PLEKHD1: variants seen among roughly 807,000 people sequenced by gnomAD.
PLEKHD1 encodes pleckstrin homology and coiled-coil domain containing D1, also known as pleckstrin homology domain-containing family D member 1.
PLEKHD1 carries 51 observed loss-of-function variants against 69.2 expected under a neutral mutation model. The observed-to-expected ratio is 0.74, with a 90% CI of 0.59 to 0.93. PLEKHD1 has a LOEUF of 0.93. Ranked by LOEUF, PLEKHD1 falls within the 40% of genes least tolerant of loss-of-function variation. The probability of loss-of-function intolerance (pLI) is 0.00; values close to 1 mark genes in which losing one functional copy is unlikely to be tolerated. For missense variants in PLEKHD1, 584 were observed against 641.0 expected, an observed-to-expected ratio of 0.91 and a Z score of 0.96; for synonymous variants, 236 against 244.7, an observed-to-expected ratio of 0.96 and a Z score of 0.33.
chr14:69,524,289 G>T lies in PLEKHD1; in HGVS notation c.711G>T (p.Arg237Ser), dbSNP rs755987131. ...KGVEQEKKEL[R>S]HLTESLQQTL... ...TAGAACAAGAGAAAAAGGAACTGAG[G>T]CACCTCACGGAGTCCTTGCAGCAGA... The change falls in exon 8 of 13, where the codon AGG (arginine) becomes AGT (serine). Residue 237 changes from arginine to serine, a missense_variant. Transcript: ENST00000322564. 6.4e-7 allele frequency: 1 copy of T among 1,551,590 alleles called. No homozygotes were observed. Among genetic ancestry groups the T allele is most frequent in the South Asian group, 1.2e-5 (1 of 84,054 alleles).
At chr14:69,512,909 A>G (rs954525039) in intron 6 of PLEKHD1, among the ~76,000 whole-genome samples, 13 of 152,074 alleles carry the variant, frequency 8.5e-5, no homozygotes, top group Non-Finnish European at 1.8e-4. Context: ...GAAAAAAAAA[A>G]AAGAGAGAGA....
At chr14:69,492,489 G>A (rs1882798495) in intron 1 of PLEKHD1, among the ~76,000 whole-genome samples, 2 of 152,310 alleles carry the variant, frequency 1.3e-5, no homozygotes, top group South Asian at 4.1e-4. Flanking sequence ...GTGTACTGTG[G>A]TATGCTACGA....
At chr14:69,497,581 G>C (rs1412831211) in intron 1 of PLEKHD1, among the ~76,000 whole-genome samples, 1 of 152,252 alleles carries the variant, frequency 6.6e-6, no homozygotes, top group Non-Finnish European at 1.5e-5. Flanking sequence ...GGGCATTCCA[G>C]GCCAAGCCAC....
chr14:69,485,226 G>A (rs1882629635), intron 1 of PLEKHD1, 112 bp downstream of exon 1: 1 of 1,236,042 alleles, frequency 8.1e-7, no homozygotes, highest in Non-Finnish European at 1.1e-6. Context: ...TGTGACCTTG[G>A]CGTCACCCCT....
chr14:69,526,716 C>T lies in PLEKHD1; in HGVS notation c.943C>T (p.Arg315Cys), dbSNP rs201178355. The T allele has an allele frequency of 3.6e-4, 555 of 1,537,980 alleles. No individual in the cohort carries two copies. Among genetic ancestry groups the T allele is most frequent in the Admixed American group, 1.6e-4 (8 of 48,812 alleles). The change falls in exon 10 of 13, where the codon CGC (arginine) becomes TGC (cysteine). Residue 315 changes from arginine (R) to cysteine (C), a missense_variant. Transcript: ENST00000322564. ...CTACAGGATGAAGGAGAACGAGGAGCGCTCACGGGCCCTGGAGGAGGAGCG... is the reference window on the plus strand; with the variant it reads ...CTACAGGATGAAGGAGAACGAGGAGTGCTCACGGGCCCTGGAGGAGGAGCG... Reference protein sequence around the residue: ...AEKRMKENEERSRALEEEREF... With the variant: ...AEKRMKENEECSRALEEEREF...
At position 69,530,949 on chromosome 14, in the gene PLEKHD1, C is replaced by T. The variant is rs748051631; in HGVS notation, c.*2530C>T. ...CCAGCCTGGCCAATATGGCGAAACCCCACCTGTACTAAAAATACAAAAATT... is the reference window on the plus strand; with the variant it reads ...CCAGCCTGGCCAATATGGCGAAACCTCACCTGTACTAAAAATACAAAAATT... On this transcript the variant is annotated 3_prime_UTR_variant, in exon 13 of 13. Coordinates refer to ENST00000322564, the MANE Select transcript of PLEKHD1 (RefSeq NM_001161498.2). 1 of 152,158 alleles carries T rather than the reference C, an allele frequency of 6.6e-6. No individual in the cohort carries two copies. The highest frequency in any genetic ancestry group is 2.4e-5 in the African/African-American group (1 of 41,424). The allele number at this position is 152,158 out of a possible 1,614,324, so 9.4% of individuals were successfully genotyped here.
At chr14:69,477,749 A>G in the PLEKHD1 span, among the ~76,000 whole-genome samples, 2 of 152,232 alleles carry the variant, frequency 1.3e-5, no homozygotes, top group African/African-American at 4.8e-5. Flanking sequence ...TCCAGGTCAC[A>G]CTGATGCAAG....
chr14:69,502,885 TGCACACC>T lies in PLEKHD1; in HGVS notation c.555+7_555+13del. ...TTCAGAGGGAGCAGAGAGAGGTAGGTGCACACCAAGGGGCTCTCAGCAGCCGTGGTGT... is the reference window on the plus strand; with the variant it reads ...TTCAGAGGGAGCAGAGAGAGGTAGGTAAGGGGCTCTCAGCAGCCGTGGTGT... On this transcript the variant is annotated splice_region_variant and intron_variant, in intron 6 of 12. Coordinates refer to ENST00000322564, the MANE Select transcript of PLEKHD1 (RefSeq NM_001161498.2). 6.4e-7 allele frequency: 1 copy of T among 1,551,576 alleles called. No homozygotes were observed. Among genetic ancestry groups the T allele is most frequent in the South Asian group, 1.2e-5 (1 of 84,054 alleles).
chr14:69,522,313 G>A lies in PLEKHD1; in HGVS notation c.586G>A (p.Ala196Thr). 1.3e-6 allele frequency: 2 copies of A among 1,551,576 alleles called. No homozygotes were observed. Among genetic ancestry groups the A allele is most frequent in the Non-Finnish European group, 1.7e-6 (2 of 1,146,940 alleles). ...TGAGCGCCTTAACCAGGTGCTGGAG[G>A]CCGAGAAGCAGCAGTTCGAGGAGGT... The part of the protein sequence containing the change: ...ELERLNQVLE[A>T]EKQQFEEVVQ... The change falls in exon 7 of 13, where the codon GCC (alanine) becomes ACC (threonine). Residue 196 changes from alanine to threonine, a missense_variant. By Grantham distance (58) the Ala-to-Thr change is moderately conservative. Coordinates refer to ENST00000322564, the MANE Select transcript of PLEKHD1 (RefSeq NM_001161498.2).
intron 1 of PLEKHD1, among the ~76,000 whole-genome samples, chr14:69,498,580 C>A (rs1235204435): frequency 1.9e-5 from 2 of 104,894 alleles, no homozygotes; most frequent in South Asian, 3.2e-4. Context: ...AGCAAGGTTT[C>A]TTTTTGTTTT....
At position 69,527,225 on chromosome 14, in the gene PLEKHD1, T is replaced by G. The variant is rs931734605; in HGVS notation, c.1094T>G (p.Leu365Arg). Residue 365 changes from leucine (L) to arginine (R), a missense_variant, in exon 11 of 13, where the codon CTC becomes CGC. Coordinates refer to ENST00000322564, the MANE Select transcript of PLEKHD1 (RefSeq NM_001161498.2). The stretch of plus-strand genomic sequence containing the variant: ...GTCCGCATGGACCTGGAGAGGCGTC[T>G]CCGGGAGGCAGAAGGGGCCTTGCGA... ...VKVRMDLERRLREAEGALRSL... is the reference protein window; with the variant it reads ...VKVRMDLERRRREAEGALRSL... 2 of 1,551,446 alleles carry G rather than the reference T, an allele frequency of 1.3e-6. No homozygotes were observed. Among genetic ancestry groups the G allele is most frequent in the African/African-American group, 2.7e-5 (2 of 73,044 alleles).
chr14:69,525,557 A>G (rs1328958308), intron 8 of PLEKHD1, among the ~76,000 whole-genome samples: 1 of 152,092 alleles, frequency 6.6e-6, no homozygotes, highest in African/African-American at 2.4e-5. Flanking sequence ...ATCATAGCTC[A>G]CTGCAGCCTC....
At chr14:69,500,023 T>C in intron 1 of PLEKHD1, 92 bp from the exon 2 acceptor site, 1 of 822,178 alleles carries the variant, frequency 1.2e-6, no homozygotes, top group East Asian at 2.7e-5. Flanking sequence ...GGCTCCCATG[T>C]GAGTCCAGGG....
At chr14:69,515,421 G>T (rs887744388) in intron 6 of PLEKHD1, among the ~76,000 whole-genome samples, 2 of 152,116 alleles carry the variant, frequency 1.3e-5, no homozygotes, top group African/African-American at 2.4e-5. Context: ...CCCCAGTACT[G>T]GTTCCCATGG....
chr14:69,512,899 G>GA (rs542357711), intron 6 of PLEKHD1, among the ~76,000 whole-genome samples: 1,835 of 124,418 alleles, frequency 0.015, 26 homozygotes, highest in African/African-American at 0.049. Context: ...CAGTCTCTAA[G>GA]AAAAAAAAAA....
chr14:69,472,001 C>T, the PLEKHD1 span, among the ~76,000 whole-genome samples: 2 of 152,166 alleles, frequency 1.3e-5, no homozygotes, highest in Non-Finnish European at 2.9e-5. Flanking sequence ...ATGTTTCACA[C>T]GTTTTTACAC....
intron 6 of PLEKHD1, 54 bp from the exon 7 acceptor site, chr14:69,522,229 T>C: frequency 1.3e-6 from 2 of 1,502,220 alleles, no homozygotes; most frequent in South Asian, 2.4e-5. Flanking sequence ...GGGATCCTGA[T>C]CTCAGGGTTC....
At chr14:69,508,588 A>G (rs114182031) in intron 6 of PLEKHD1, among the ~76,000 whole-genome samples, 1,917 of 152,070 alleles carry the variant, frequency 0.013, 44 homozygotes, top group African/African-American at 0.044. Context: ...CTAATTTTTT[A>G]TTTTTTGTTG....
Position 69,526,841 on chromosome 14 carries a change from C to T in PLEKHD1, c.1056+12C>T, listed in dbSNP as rs141321990. ...AGCGGGAGCTCAAGGTGCGACCTGG[C>T]CTGCTGGTGCCAGGGCCCTTCCCCT... On this transcript the variant is annotated intron_variant, in intron 10 of 12. Coordinates refer to ENST00000322564, the MANE Select transcript of PLEKHD1 (RefSeq NM_001161498.2). 117 of 1,524,676 alleles carry T rather than the reference C, an allele frequency of 7.7e-5. No homozygotes were observed. The East Asian group carries it at 2.8e-3, about 37-fold the overall frequency. 94.4% of individuals were successfully genotyped at this position (1,524,676 alleles called of 1,614,324 possible).
Sources: allele counts gnomAD v4.1 joint callset (sites outside exome capture counted in the v4.1 genomes callset), GRCh38; gene constraint gnomAD v4.1.1; transcripts MANE v1.5; gene names NCBI Gene and HGNC (gene_info 2026-07-23, HGNC 2026-07-21).